Variants in CHN1 observed in about 807,000 individuals in gnomAD.
CHN1 encodes the protein chimerin 1.
CHN1 carries 37 observed loss-of-function variants against 59.5 expected under a neutral mutation model. That is an observed-to-expected ratio of 0.62 (90% CI 0.48 to 0.82). CHN1 has a LOEUF of 0.82. Ranked by LOEUF, CHN1 falls within the 40% of genes least tolerant of loss-of-function variation. CHN1 has a pLI of 0.00. For synonymous variants in CHN1, 206 were observed against 200.4 expected, an observed-to-expected ratio of 1.03 and a Z score of -0.24; for missense variants, 469 against 571.0, an observed-to-expected ratio of 0.82 and a Z score of 1.82.
intron 1 of CHN1, among the ~76,000 whole-genome samples, chr2:174,997,107 G>A (rs567919894): frequency 1.3e-5 from 2 of 152,218 alleles, no homozygotes; most frequent in African/African-American, 2.4e-5. Flanking sequence ...TACATACTTC[G>A]CACATATTAG....
intron 8 of CHN1, among the ~76,000 whole-genome samples, chr2:174,820,096 C>T (rs2600710): frequency 0.017 from 2,619 of 152,118 alleles, 69 homozygotes; most frequent in African/African-American, 0.059. Flanking sequence ...GGTTCCAACT[C>T]TTTGCTATTG....
At chr2:174,837,848 C>T (rs1686143073) in intron 7 of CHN1, among the ~76,000 whole-genome samples, 2 of 152,148 alleles carry the variant, frequency 1.3e-5, no homozygotes, top group South Asian at 4.1e-4. Context: ...ATTCCACTTC[C>T]TTTGGTGTAT....
intron 7 of CHN1, among the ~76,000 whole-genome samples, chr2:174,845,865 A>T (rs1289381174): frequency 6.6e-6 from 1 of 152,162 alleles, no homozygotes; most frequent in East Asian, 1.9e-4. Context: ...TGTGGAATGA[A>T]ATTATCTATT....
intron 1 of CHN1, among the ~76,000 whole-genome samples, chr2:174,954,865 T>C (rs1690139518): frequency 1.3e-5 from 2 of 152,250 alleles, no homozygotes; most frequent in South Asian, 2.1e-4. Context: ...ACAATCACTA[T>C]GGAAAACCGT....
chr2:174,902,061 A>G (rs1161235914), intron 5 of CHN1, among the ~76,000 whole-genome samples: 1 of 152,204 alleles, frequency 6.6e-6, no homozygotes, highest in Non-Finnish European at 1.5e-5. Context: ...CATACAACAC[A>G]GTTTTAACAG....
chr2:174,903,150 G>C (rs1372921909), intron 5 of CHN1, among the ~76,000 whole-genome samples: 1 of 152,114 alleles, frequency 6.6e-6, no homozygotes, highest in Non-Finnish European at 1.5e-5. Context: ...ACACAGATGA[G>C]TCCTTTTTGA....
chr2:175,004,129 T>C (rs1402742631), intron 1 of CHN1, among the ~76,000 whole-genome samples: 1 of 152,240 alleles, frequency 6.6e-6, no homozygotes, highest in African/African-American at 2.4e-5. Flanking sequence ...CAGGTACGTA[T>C]GTACCATAGT....
intron 1 of CHN1, among the ~76,000 whole-genome samples, chr2:174,962,424 C>T (rs142090560): frequency 1.3e-5 from 2 of 151,982 alleles, no homozygotes; most frequent in East Asian, 1.9e-4. Flanking sequence ...GCTAATACTC[C>T]GAAAATGTTT....
chr2:174,845,781 TGG>T (rs61145499), intron 7 of CHN1, among the ~76,000 whole-genome samples: 1,584 of 76,428 alleles, frequency 0.021, 80 homozygotes, highest in African/African-American at 0.065. Context: ...AGCATATGGG[TGG>T]GGGGGGGGGT....
intron 5 of CHN1, among the ~76,000 whole-genome samples, chr2:174,902,330 T>C (rs1251072972): frequency 6.6e-6 from 1 of 152,162 alleles, no homozygotes; most frequent in African/African-American, 2.4e-5. Flanking sequence ...TGGTTTGTTT[T>C]ATTAAAGAAC....
chr2:174,890,980 C>CAAA (rs33999354), intron 5 of CHN1, among the ~76,000 whole-genome samples: 2 of 146,044 alleles, frequency 1.4e-5, no homozygotes, highest in East Asian at 4.0e-4. Flanking sequence ...ACTAAAAATA[C>CAAA]AAAAAAAAAA....
intron 6 of CHN1, among the ~76,000 whole-genome samples, chr2:174,849,301 G>C (rs537152391): frequency 7.9e-5 from 12 of 152,262 alleles, no homozygotes; most frequent in African/African-American, 2.9e-4. Context: ...AAGGTCTACT[G>C]TAGACTCTGC....
rs976566952 is a variant in CHN1 at position 174,839,201 on chromosome 2, CAGAG to C, written c.627+7675_627+7678del. 2.3e-3 allele frequency among the ~76,000 whole-genome samples: 343 copies of C among 151,486 alleles called. 1 individual carries two copies. The highest frequency in any genetic ancestry group is 8.1e-3 in the African/African-American group (330 of 40,880). Reference sequence around the variant, plus strand: ...AGTGAGAACACTTAAAATCTACTCTCAGAGAGATTTTATTCTCAATGTATTCTTA... The same window carrying C: ...AGTGAGAACACTTAAAATCTACTCTCAGATTTTATTCTCAATGTATTCTTA... On this transcript the variant is annotated intron_variant, in intron 7 of 12. Coordinates refer to ENST00000409900, the MANE Select transcript of CHN1 (RefSeq NM_001822.7).
chr2:174,906,248 T>A (rs1688539806), intron 5 of CHN1, among the ~76,000 whole-genome samples: 1 of 152,200 alleles, frequency 6.6e-6, no homozygotes, highest in Non-Finnish European at 1.5e-5. Context: ...CATCAACTAC[T>A]GGAATATTTT....
chr2:174,904,814 T>C (rs557218410), intron 5 of CHN1, among the ~76,000 whole-genome samples: 2 of 152,330 alleles, frequency 1.3e-5, no homozygotes, highest in South Asian at 2.1e-4. Context: ...TCTTATTTTA[T>C]AGATAAAACT....
intron 2 of CHN1, among the ~76,000 whole-genome samples, chr2:174,947,330 A>G (rs941390991): frequency 2.6e-5 from 4 of 152,192 alleles, no homozygotes; most frequent in East Asian, 1.9e-4. Context: ...ATTAAGTCAC[A>G]TAAGGTTATT....
rs1355453712 is a variant in CHN1, at chr2:174,959,014, A to C, written c.20-6812T>G. Among the ~76,000 whole-genome samples, 6 of 152,348 alleles carry C rather than the reference A, an allele frequency of 3.9e-5. No homozygotes were observed. The East Asian group carries it at 1.2e-3, about 29-fold the overall frequency. On this transcript the variant is annotated intron_variant, in intron 1 of 12. Coordinates refer to ENST00000409900, the MANE Select transcript of CHN1 (RefSeq NM_001822.7). Reference sequence around the variant, plus strand: ...AAATTTAGTATTTGGCAAAAAAATAAGAAATATTAGGGGAAAAGTTTGAAT... The same window carrying C: ...AAATTTAGTATTTGGCAAAAAAATACGAAATATTAGGGGAAAAGTTTGAAT...
At chr2:174,874,798 A>C (rs1251665314) in intron 6 of CHN1, among the ~76,000 whole-genome samples, 1 of 152,124 alleles carries the variant, frequency 6.6e-6, no homozygotes, top group East Asian at 1.9e-4. Context: ...ATAGAGTCAT[A>C]ATCATATTAA....
intron 3 of CHN1, among the ~76,000 whole-genome samples, chr2:174,926,052 T>G (rs1689157247): frequency 1.3e-5 from 2 of 152,366 alleles, no homozygotes; most frequent in South Asian, 4.1e-4. Flanking sequence ...TAATCTACCA[T>G]TATTGAATGT....
Sources: gnomAD v4.1 joint callset for allele counts (sites outside exome capture counted in the v4.1 genomes callset) on GRCh38, gnomAD v4.1.1 for gene constraint, MANE v1.5 for transcripts, NCBI Gene and HGNC (gene_info 2026-07-23, HGNC 2026-07-21) for gene names.